The following BFSP1 variants were observed in gnomAD, a reference collection of about 807,000 sequenced individuals.
BFSP1 encodes the protein filensin.
In BFSP1, 38 loss-of-function variants were observed where a neutral mutation model predicts 43.9. That is an observed-to-expected ratio of 0.87 (90% CI 0.67 to 1.14). BFSP1 has a LOEUF of 1.14. Among genes scored for constraint, BFSP1 ranks in the 50% most tolerant of loss-of-function variants. BFSP1 has a pLI of 0.00. For missense variants in BFSP1, 850 were observed against 875.1 expected (o/e 0.97, Z 0.36); for synonymous variants, 352 against 354.8 (o/e 0.99, Z 0.09).
intron 1 of BFSP1, among the ~76,000 whole-genome samples, chr20:17,553,806 C>T (rs371728743): frequency 0.28 from 21,810 of 78,472 alleles, 3,923 homozygotes; most frequent in African/African-American, 0.53. Flanking sequence ...CACACACACA[C>T]ACACACACAC....
intron 1 of BFSP1, among the ~76,000 whole-genome samples, chr20:17,544,787 C>T (rs58874627): frequency 0.065 from 9,858 of 152,168 alleles, 485 homozygotes; most frequent in African/African-American, 0.14. Flanking sequence ...ATCATGAAAA[C>T]GTAAAACATC....
chr20:17,496,137 C>T (rs1259845555), intron 7 of BFSP1, among the ~76,000 whole-genome samples: 1 of 152,232 alleles, frequency 6.6e-6, no homozygotes, highest in African/African-American at 2.4e-5. Context: ...CAAGCTGGGA[C>T]CGTTCTGAGA....
At position 17,556,897 on chromosome 20, in the gene BFSP1, T is replaced by C. The variant is rs913705889; in HGVS notation, c.2+1791A>G. The stretch of plus-strand genomic sequence containing the variant: ...GTATTTTTTTAATAGCCAGAAAAAA[T>C]GCACCAAAGTGGTTTCCCTTCTGAA... On this transcript the variant is annotated intron_variant, in intron 1 of 7. Coordinates refer to the BFSP1 transcript ENST00000377868. 3.9e-5 allele frequency among the ~76,000 whole-genome samples: 6 copies of C among 152,094 alleles called. 1 individual carries two copies. Among genetic ancestry groups the C allele is most frequent in the South Asian group, 4.1e-4 (2 of 4,822 alleles).
chr20:17,500,453 G>A (rs1045040910), intron 5 of BFSP1, among the ~76,000 whole-genome samples: 2 of 152,302 alleles, frequency 1.3e-5, no homozygotes, highest in South Asian at 2.1e-4. Context: ...TCCTAGGGCC[G>A]TGGAGCCATA....
intron 5 of BFSP1, among the ~76,000 whole-genome samples, chr20:17,504,959 GAA>G (rs2033899207): frequency 6.7e-6 from 1 of 148,432 alleles, no homozygotes; most frequent in African/African-American, 2.5e-5. Flanking sequence ...AAAAAAAAAG[GAA>G]ACTCATTACA....
chr20:17,517,427 G>A (rs1025700741), intron 2 of BFSP1: 13 of 668,354 alleles, frequency 1.9e-5, no homozygotes, highest in Non-Finnish European at 2.7e-5. Context: ...GGGACTACAG[G>A]TGCACACCAC....
intron 1 of BFSP1, among the ~76,000 whole-genome samples, chr20:17,526,360 T>C (rs1200795178): frequency 6.6e-6 from 1 of 152,126 alleles, no homozygotes; most frequent in Non-Finnish European, 1.5e-5. Flanking sequence ...CAACCACCAT[T>C]GTACTTTCTG....
intron 5 of BFSP1, 105 bp downstream of exon 5, chr20:17,508,784 G>T: frequency 1.8e-6 from 2 of 1,094,390 alleles, no homozygotes; most frequent in Non-Finnish European, 2.5e-6. Flanking sequence ...CATAGGATAT[G>T]TTCAGCGTGT....
At chr20:17,520,389 A>C (rs1240709883) in intron 2 of BFSP1, among the ~76,000 whole-genome samples, 2 of 151,954 alleles carry the variant, frequency 1.3e-5, no homozygotes, top group Non-Finnish European at 2.9e-5. Context: ...ATTAAAAAGG[A>C]AAAAAAACAG....
At chr20:17,531,611 T>C (rs1373747416), upstream of BFSP1, among the ~76,000 whole-genome samples, 3 of 152,314 alleles carry the variant, frequency 2.0e-5, no homozygotes, top group Non-Finnish European at 2.9e-5. Context: ...CCTGTTGCTT[T>C]TGATTGAATG....
At chr20:17,531,917 T>C (rs1176117155), upstream of BFSP1, among the ~76,000 whole-genome samples, 1 of 152,190 alleles carries the variant, frequency 6.6e-6, no homozygotes, top group Non-Finnish European at 1.5e-5. Context: ...CCCTTCTGTA[T>C]AGCAGAGGTT....
chr20:17,497,593 CGTGTATATATAT>C lies in BFSP1; in HGVS notation c.957-582_957-571del, dbSNP rs1568679765. 9.3e-5 allele frequency among the ~76,000 whole-genome samples: 6 copies of C among 64,580 alleles called. No homozygotes were observed. The East Asian group carries it at 1.7e-3, about 18-fold the overall frequency. The allele number at this position is 64,580 out of a possible 152,430, so 42.4% of individuals were successfully genotyped here. Reference sequence around the variant, plus strand: ...ATATGTATATATACGTATATATATACGTGTATATATATACGTATATATACATATACACACACA... The same window carrying C: ...ATATGTATATATACGTATATATATACACGTATATATACATATACACACACA... On this transcript the variant is annotated intron_variant, in intron 6 of 7. Transcript: ENST00000377873.
chr20:17,494,759 C>T lies in BFSP1; in HGVS notation c.1313G>A (p.Ser438Asn). 2 of 1,614,180 alleles carry T rather than the reference C, an allele frequency of 1.2e-6. No individual in the cohort carries two copies. Among genetic ancestry groups the T allele is most frequent in the Non-Finnish European group, 1.7e-6 (2 of 1,180,032 alleles). Residue 438 changes from serine to asparagine, a missense_variant, in exon 8 of 8, where the codon AGC (serine) becomes AAC (asparagine). Transcript: ENST00000377873. ...CCTGTATAGTTTCCCAAAGCCTTTG[C>T]TTATCTGCCCTCCATCTGGCACATC... ...PEDVPDGGQI[S>N]KGFGKLYRKV...
Position 17,531,132 on chromosome 20 carries a change from G to C in BFSP1, c.198C>G (p.Ala66=). The change falls in exon 1 of 8, where the codon GCC becomes GCG. Residue 66 remains alanine (A), a synonymous_variant. Coordinates refer to ENST00000377873, the MANE Select transcript of BFSP1 (RefSeq NM_001195.5). ...AGGCATCCAGCTGCCTCCGGAGCCC[G>C]GCATGGCGCTGCTCGAGGGCGCGGG... ...QRARALEQRH[A]GLRRQLDAFQ... is the part of the protein sequence containing the mutation. The C allele has an allele frequency of 7.5e-7, 1 of 1,329,584 alleles. No homozygotes were observed. The highest frequency in any genetic ancestry group is 9.6e-7 in the Non-Finnish European group (1 of 1,043,136). The allele number at this position is 1,329,584 out of a possible 1,614,324, so 82.4% of individuals were successfully genotyped here.
chr20:17,539,000 G>A (rs1317755578), intron 1 of BFSP1, among the ~76,000 whole-genome samples: 2 of 151,412 alleles, frequency 1.3e-5, no homozygotes, highest in African/African-American at 4.9e-5. Context: ...CAACTGGCAT[G>A]CCCACTCTGT....
At position 17,497,075 on chromosome 20, in the gene BFSP1, C is replaced by G. The variant is rs368940342; in HGVS notation, c.957-52G>C. 430 of 1,347,554 alleles carry G rather than the reference C, an allele frequency of 3.2e-4. 1 individual carries two copies. Among genetic ancestry groups the G allele is most frequent in the Non-Finnish European group, 3.9e-4 (392 of 1,001,056 alleles). The allele number at this position is 1,347,554 out of a possible 1,614,324, so 83.5% of individuals were successfully genotyped here. A position where few individuals can be genotyped will look rare whatever the true frequency, so the allele number is the denominator to read the frequency against. ...GCCAAACAGAGGTCAGGGGCAAGAG[C>G]GACTCTCGTTAATGTTGAGCAAAAA... On this transcript the variant is annotated intron_variant, in intron 6 of 7. Coordinates refer to ENST00000377873, the MANE Select transcript of BFSP1 (RefSeq NM_001195.5).
chr20:17,568,864 T>C (rs932497313), intron 1 of BFSP1, among the ~76,000 whole-genome samples: 3 of 152,120 alleles, frequency 2.0e-5, no homozygotes, highest in African/African-American at 7.2e-5. Context: ...AAAATAGTTT[T>C]GGTCGAGGCC....
rs987761345 is a variant in BFSP1, at chr20:17,564,075, G to A, written n.51-980C>T. On this transcript the variant is annotated intron_variant and non_coding_transcript_variant, in intron 1 of 6. Transcript: ENST00000473415. ...GGGCCAGGTGTGGTGGCTCATGCCT[G>A]TAATTCCAATACTTTGGGAGGCGGA... is the stretch of plus-strand genomic sequence containing the variant. 9.2e-5 allele frequency among the ~76,000 whole-genome samples: 14 copies of A among 152,038 alleles called. 1 individual carries two copies. Among genetic ancestry groups the A allele is most frequent in the African/African-American group, 3.1e-4 (13 of 41,366 alleles).
chr20:17,523,724 C>T (rs1463363802), intron 2 of BFSP1, among the ~76,000 whole-genome samples: 1 of 151,280 alleles, frequency 6.6e-6, no homozygotes, highest in Non-Finnish European at 1.5e-5. Flanking sequence ...CAAACTGCAC[C>T]CTCTTTTGCA....
Sources: allele counts gnomAD v4.1 joint callset (sites outside exome capture counted in the v4.1 genomes callset), GRCh38; gene constraint gnomAD v4.1.1; transcripts MANE v1.5; gene names NCBI Gene and HGNC (gene_info 2026-07-23, HGNC 2026-07-21).